YEATS2: variants seen among roughly 807,000 people sequenced by gnomAD.
YEATS2 encodes the protein YEATS domain-containing protein 2.
In YEATS2, 77 loss-of-function variants were observed where a neutral mutation model predicts 163.2. The ratio of observed to expected loss-of-function variants is 0.47; its 90% CI spans 0.39 to 0.57. The LOEUF is 0.57. YEATS2 is among the 20% of genes least tolerant of loss of function. YEATS2 has a pLI of 0.00. For synonymous variants in YEATS2, 631 were observed against 645.1 expected (o/e 0.98, Z 0.33); for missense variants, 1,549 against 1,729.8 (o/e 0.90, Z 1.85).
chr3:183,699,318 T>G (rs973665509), intron 1 of YEATS2, among the ~76,000 whole-genome samples: 2 of 151,776 alleles, frequency 1.3e-5, no homozygotes, highest in African/African-American at 4.8e-5. Flanking sequence ...ATTTTAGATG[T>G]ATTAAATTTT....
At chr3:183,714,974 A>G (rs1332846686) in intron 1 of YEATS2, among the ~76,000 whole-genome samples, 170 bp from the exon 2 acceptor site, 1 of 151,982 alleles carries the variant, frequency 6.6e-6, no homozygotes, top group African/African-American at 2.4e-5. Flanking sequence ...AAATATGTAT[A>G]TGTGTGTATA....
chr3:183,761,678 T>C (rs2109348623), intron 14 of YEATS2, 64 bp downstream of exon 14: 1 of 1,411,192 alleles, frequency 7.1e-7, no homozygotes, highest in South Asian at 1.2e-5. Flanking sequence ...TTGGAGTTCA[T>C]TGCCACTACC....
In YEATS2 at chr3:183,810,764, A is replaced by G; in HGVS notation, c.*181A>G. 2 of 583,294 alleles carry G rather than the reference A, an allele frequency of 3.4e-6. No individual in the cohort carries two copies. The highest frequency in any genetic ancestry group is 5.9e-5 in the Admixed American group (2 of 33,788). The allele number at this position is 583,294 out of a possible 1,614,324, so 36.1% of individuals were successfully genotyped here. On this transcript the variant is annotated 3_prime_UTR_variant, in exon 31 of 31. Transcript: ENST00000305135. Reference sequence around the variant, plus strand: ...GCTGCACTCCAGATGAAATCCTCCTAGGACAGGAGTTTGTTTCCTGAGTGT... The same window carrying G: ...GCTGCACTCCAGATGAAATCCTCCTGGGACAGGAGTTTGTTTCCTGAGTGT...
At chr3:183,739,302 C>T (rs1277552162) in intron 8 of YEATS2, among the ~76,000 whole-genome samples, 2 of 150,644 alleles carry the variant, frequency 1.3e-5, no homozygotes, top group Non-Finnish European at 3.0e-5. Flanking sequence ...CACAAGCATT[C>T]TTATACACCA....
intron 8 of YEATS2, among the ~76,000 whole-genome samples, chr3:183,742,318 T>A (rs1479025931): frequency 1.3e-5 from 2 of 152,216 alleles, no homozygotes; most frequent in Non-Finnish European, 2.9e-5. Flanking sequence ...TTGAAAGCCT[T>A]CTGGAAAGGA....
rs188072577 is a variant in YEATS2, at chr3:183,777,589, A to C, written c.2625A>C (p.Gln875His). 455 of 1,614,104 alleles carry C rather than the reference A, an allele frequency of 2.8e-4. No homozygotes were observed. Among genetic ancestry groups the C allele is most frequent in the Admixed American group, 6.5e-4 (39 of 60,008 alleles). ...CATCACCCCAGACTTCTGGAAAACA[A>C]CTCACCACTGGGTCAGTGGTCCAAG... is the stretch of plus-strand genomic sequence containing the variant. ...GQPSPQTSGK[Q>H]LTTGSVVQGT... The change falls in exon 19 of 31, where the codon CAA becomes CAC. Residue 875 changes from glutamine to histidine, a missense_variant. Gln to His is a conservative substitution (Grantham distance 24, BLOSUM62 0). Coordinates refer to ENST00000305135, the MANE Select transcript of YEATS2 (RefSeq NM_018023.5).
chr3:183,756,172 A>G (rs1165319696), intron 11 of YEATS2, among the ~76,000 whole-genome samples: 1 of 152,246 alleles, frequency 6.6e-6, no homozygotes, highest in Non-Finnish European at 1.5e-5. Flanking sequence ...GCAGTTTTGC[A>G]CTGCTGTGTA....
chr3:183,768,094 A>G (rs943658191), intron 15 of YEATS2, among the ~76,000 whole-genome samples: 2 of 152,224 alleles, frequency 1.3e-5, no homozygotes, highest in South Asian at 2.1e-4. Context: ...GAAAAGTTCA[A>G]CTACTGCAAC....
chr3:183,748,399 G>A (rs553726618), intron 9 of YEATS2, among the ~76,000 whole-genome samples: 8 of 151,594 alleles, frequency 5.3e-5, no homozygotes, highest in Non-Finnish European at 8.8e-5. Context: ...CTACAGGCAC[G>A]CGCCACCACA....
chr3:183,708,159 A>G (rs978454695), intron 1 of YEATS2, among the ~76,000 whole-genome samples: 1 of 130,424 alleles, frequency 7.7e-6, no homozygotes, highest in Non-Finnish European at 1.6e-5. Flanking sequence ...AGAATTGGCC[A>G]CTTTTTTTTT....
chr3:183,775,474 A>G (rs1722890439), intron 17 of YEATS2, among the ~76,000 whole-genome samples: 1 of 152,228 alleles, frequency 6.6e-6, no homozygotes, highest in African/African-American at 2.4e-5. Flanking sequence ...ACACGCCTGT[A>G]GTCCCAGCTC....
rs1004610084 is a variant in YEATS2, at chr3:183,804,200, G to A, written c.3784+12G>A. The stretch of plus-strand genomic sequence containing the variant: ...CGACAGCGAGCCCGGTAAGCCTTCA[G>A]TGGCACTGCCCAGAGCGCCTGGCAG... On this transcript the variant is annotated intron_variant, in intron 27 of 30. Coordinates refer to ENST00000305135, the MANE Select transcript of YEATS2 (RefSeq NM_018023.5). 1 of 1,614,120 alleles carries A rather than the reference G, an allele frequency of 6.2e-7. No homozygotes were observed. The highest frequency in any genetic ancestry group is 1.7e-5 in the Admixed American group (1 of 60,016).
intron 5 of YEATS2, among the ~76,000 whole-genome samples, chr3:183,722,730 G>T (rs74913479): frequency 0.016 from 2,413 of 152,168 alleles, 75 homozygotes; most frequent in East Asian, 0.14. Flanking sequence ...TCGGCTCATT[G>T]CCACCTCTGT....
Position 183,724,350 on chromosome 3 carries a change from A to G in YEATS2, c.538-69A>G, listed in dbSNP as rs188706524. ...AGTTATTCCATTTATACTTTTTACAATTTTGTGGTTTCTGTCCTATTGAAA... is the reference window on the plus strand; with the variant it reads ...AGTTATTCCATTTATACTTTTTACAGTTTTGTGGTTTCTGTCCTATTGAAA... On this transcript the variant is annotated intron_variant, in intron 5 of 30. Coordinates refer to ENST00000305135, the MANE Select transcript of YEATS2 (RefSeq NM_018023.5). The G allele has an allele frequency of 6.8e-5, 80 of 1,174,448 alleles. No homozygotes were observed. The South Asian group carries it at 7.5e-4, about 11-fold the overall frequency. 72.8% of individuals were successfully genotyped at this position (1,174,448 alleles called of 1,614,324 possible).
chr3:183,735,549 T>C (rs759511451), intron 7 of YEATS2, among the ~76,000 whole-genome samples: 9 of 152,234 alleles, frequency 5.9e-5, no homozygotes, highest in Non-Finnish European at 1.0e-4. Context: ...ATTTTTCCTG[T>C]CCTGGGCTCC....
At chr3:183,782,064 A>G (rs1475572615) in intron 19 of YEATS2, among the ~76,000 whole-genome samples, 3 of 152,040 alleles carry the variant, frequency 2.0e-5, no homozygotes, top group African/African-American at 7.2e-5. Context: ...ATTTATCTAT[A>G]TGTGTGTTAA....
chr3:183,792,989 G>A, intron 21 of YEATS2: 1 of 481,796 alleles, frequency 2.1e-6, no homozygotes, highest in Non-Finnish European at 3.3e-6. Flanking sequence ...TCTCAAACTT[G>A]AAAGTTCAGT....
chr3:183,748,411 C>T lies in YEATS2; in HGVS notation c.969+695C>T, dbSNP rs1010842978. Among the ~76,000 whole-genome samples, 78 of 151,994 alleles carry T rather than the reference C, an allele frequency of 5.1e-4. 1 individual carries two copies. Among genetic ancestry groups the T allele is most frequent in the African/African-American group, 1.9e-3 (78 of 41,446 alleles). On this transcript the variant is annotated intron_variant, in intron 9 of 30. Transcript: ENST00000305135. ...TGACTACAGGCACGCGCCACCACAC[C>T]CAGCTAATTTTTGTATTCATAGTAG...
rs367993532 is a variant in YEATS2 at position 183,809,181 on chromosome 3, C to G, written c.4160+11C>G. On this transcript the variant is annotated intron_variant, in intron 30 of 30. Coordinates refer to ENST00000305135, the MANE Select transcript of YEATS2 (RefSeq NM_018023.5). The stretch of plus-strand genomic sequence containing the variant: ...AGCTTCTCACAACAGGTATTACTAT[C>G]TCTGCAGTCTGTGGTGTGAGGCTTA... 1.2e-5 allele frequency: 19 copies of G among 1,613,716 alleles called. No homozygotes were observed. Among genetic ancestry groups the G allele is most frequent in the Non-Finnish European group, 1.6e-5 (19 of 1,179,658 alleles).
Sources: gnomAD v4.1 joint callset for allele counts (sites outside exome capture counted in the v4.1 genomes callset) on GRCh38, gnomAD v4.1.1 for gene constraint, MANE v1.5 for transcripts, NCBI Gene and HGNC (gene_info 2026-07-23, HGNC 2026-07-21) for gene names.